MYH3: variants seen among roughly 807,000 people sequenced by gnomAD.
MYH3 encodes myosin-3.
In MYH3, 130 loss-of-function variants were observed where a neutral mutation model predicts 238.0. The observed-to-expected ratio is 0.55, with a 90% confidence interval of 0.47 to 0.63. The LOEUF (loss-of-function observed/expected upper bound fraction) is 0.63, where lower values mean the gene tolerates loss of function less well. Among genes scored for constraint, MYH3 ranks in the 30% least tolerant of loss-of-function variants. The pLI, the probability that MYH3 is intolerant of heterozygous loss-of-function variation, is 0.00. For synonymous variants in MYH3, 880 were observed against 924.1 expected (o/e 0.95, Z 0.86); for missense variants, 1,853 against 2,374.9 (o/e 0.78, Z 4.57).
At chr17:10,666,317 T>A in the MYH3 span, among the ~76,000 whole-genome samples, 1 of 152,208 alleles carries the variant, frequency 6.6e-6, no homozygotes, top group Non-Finnish European at 1.5e-5. Flanking sequence ...CAGTGGCTTA[T>A]GCTTGTAATC....
intron 3 of MYH3, 127 bp from the exon 4 acceptor site, chr17:10,652,690 C>G: frequency 1.9e-6 from 2 of 1,031,368 alleles, no homozygotes; most frequent in Non-Finnish European, 2.8e-6. Context: ...GATGCGATCT[C>G]GGCTCACTGC....
Position 10,634,071 on chromosome 17 carries a change from C to T in MYH3, c.4468G>A (p.Glu1490Lys), listed in dbSNP as rs1268766610. 9.9e-6 allele frequency: 16 copies of T among 1,614,052 alleles called. No individual in the cohort carries two copies. Among genetic ancestry groups the T allele is most frequent in the South Asian group, 2.2e-5 (2 of 91,094 alleles). Residue 1490 changes from glutamate to lysine, a missense_variant, in exon 32 of 41, where the codon GAG (glutamate) becomes AAG (lysine). Physicochemically the swap from Glu to Lys is moderately conservative, Grantham distance 56 (BLOSUM62 1). Around this residue, in one of 3 missense-constraint regions of MYH3, gnomAD observed 1,044 missense variants for 1,192.6 expected, o/e 0.88. Coordinates refer to ENST00000583535, the MANE Select transcript of MYH3 (RefSeq NM_002470.4). ...TELFKLKNAY[E>K]EALDQLETVK... ...GTTTCAAGTTGATCTAAGGCTTCCT[C>T]GTAGGCATTTTTCAGTTTGAAGAGC...
chr17:10,638,475 G>A lies in MYH3; in HGVS notation c.3340-43C>T, dbSNP rs568098174. The stretch of plus-strand genomic sequence containing the variant: ...TCACCCCGTGGGCAGTGGGTTCACC[G>A]CGGGGACTCTGATTGCCAAGAACAG... On this transcript the variant is annotated intron_variant, in intron 26 of 40. Coordinates refer to ENST00000583535, the MANE Select transcript of MYH3 (RefSeq NM_002470.4). 41 of 1,598,632 alleles carry A rather than the reference G, an allele frequency of 2.6e-5. No individual in the cohort carries two copies. In the Middle Eastern group the frequency reaches 5.0e-4, roughly 20 times the overall value.
At chr17:10,638,989 G>C in intron 25 of MYH3, 26 bp from the exon 26 acceptor site, 2 of 1,614,058 alleles carry the variant, frequency 1.2e-6, no homozygotes, top group Non-Finnish European at 1.7e-6. Flanking sequence ...TAGAATGCAT[G>C]AAGACAAAAT....
upstream of MYH3, among the ~76,000 whole-genome samples, chr17:10,660,107 T>A (rs974160017): frequency 6.6e-6 from 1 of 152,238 alleles, no homozygotes; most frequent in Non-Finnish European, 1.5e-5. Context: ...GCAGTGTGCT[T>A]CTTTGAGCCT....
intron 30 of MYH3, 150 bp downstream of exon 30, chr17:10,635,217 T>G (rs2074201844): frequency 2.1e-6 from 3 of 1,406,134 alleles, no homozygotes; most frequent in African/African-American, 2.9e-5. Flanking sequence ...CAAAGCTGTT[T>G]GTTTTAATAA....
In MYH3 at chr17:10,640,158, G is replaced by A. The variant is rs565057862; in HGVS notation, c.2520C>T (p.Leu840=). The part of the protein sequence containing the change: ...WMKLFFKIKP[L]LKSAETEKEM... ...CTTTCTCAGTCTCTGCACTCTTGAGGAGGGGCTTGATCTTGAAGAAGAGTT... is the reference window on the plus strand; with the variant it reads ...CTTTCTCAGTCTCTGCACTCTTGAGAAGGGGCTTGATCTTGAAGAAGAGTT... Residue 840 remains leucine, a synonymous_variant, in exon 22 of 41, where the codon CTC becomes CTT. Transcript: ENST00000583535. 5.5e-5 allele frequency: 89 copies of A among 1,614,166 alleles called. No individual in the cohort carries two copies. In the South Asian group the frequency reaches 9.2e-4, roughly 17 times the overall value.
rs1217140521 is a variant in MYH3, at chr17:10,630,211, G to A, written c.5458-15C>T. The A allele has an allele frequency of 2.5e-6, 4 of 1,614,014 alleles. No individual in the cohort carries two copies. Among genetic ancestry groups the A allele is most frequent in the Non-Finnish European group, 3.4e-6 (4 of 1,180,030 alleles). On this transcript the variant is annotated splice_polypyrimidine_tract_variant and intron_variant, in intron 37 of 40. Coordinates refer to ENST00000583535, the MANE Select transcript of MYH3 (RefSeq NM_002470.4). Reference sequence around the variant, plus strand: ...AGCTCTCGGATCTGGGGGAGAGGGTGGGGAAATTAGTCTGGGGCTGCAGCG... The same window carrying A: ...AGCTCTCGGATCTGGGGGAGAGGGTAGGGAAATTAGTCTGGGGCTGCAGCG...
Position 10,630,800 on chromosome 17 carries a change from G to A in MYH3, c.5287-342C>T, listed in dbSNP as rs376940849. Among the ~76,000 whole-genome samples, 111 of 152,116 alleles carry A rather than the reference G, an allele frequency of 7.3e-4. 1 individual carries two copies. Among genetic ancestry groups the A allele is most frequent in the East Asian group, 2.9e-3 (15 of 5,156 alleles). On this transcript the variant is annotated intron_variant, in intron 36 of 40. Coordinates refer to ENST00000583535, the MANE Select transcript of MYH3 (RefSeq NM_002470.4). ...CAGGAGGAGGAGGTTGCAGTGAGCC[G>A]AGATCTCGCCATTGCACTCCAGCCT...
At chr17:10,661,204 T>C (rs2074478058), upstream of MYH3, among the ~76,000 whole-genome samples, 1 of 146,462 alleles carries the variant, frequency 6.8e-6, no homozygotes, top group African/African-American at 2.5e-5. Context: ...CTTGAACTCC[T>C]GACCTCAGGT....
chr17:10,649,509 C>T (rs2074355209), intron 7 of MYH3, 68 bp downstream of exon 7: 10 of 1,249,148 alleles, frequency 8.0e-6, no homozygotes, highest in Non-Finnish European at 1.2e-5. Context: ...ACATTTGGCC[C>T]CCTCATTCTG....
Position 10,637,986 on chromosome 17 carries a change from A to G in MYH3, c.3730-51T>C, listed in dbSNP as rs117429737. The G allele has an allele frequency of 0.012, 19,790 of 1,614,084 alleles. 150 individuals are homozygous for G. Among genetic ancestry groups the G allele is most frequent in the Non-Finnish European group, 0.015 (17,634 of 1,180,032 alleles). On this transcript the variant is annotated intron_variant, in intron 27 of 40. Transcript: ENST00000583535. ...AGTCAGTCAGCAAAGTCAGGTTTCA[A>G]TGACCACGGAGTGTGTCTGATGGAA...
In MYH3 at chr17:10,638,356, T is replaced by C. The variant is rs1054769630; in HGVS notation, c.3416A>G (p.Asp1139Gly). ...CAGCTCCTCCAGCTCCCGGGCATAGTCGCTGCGCTGTTTCTCTGTCTTCGC... is the reference window on the plus strand; with the variant it reads ...CAGCTCCTCCAGCTCCCGGGCATAGCCGCTGCGCTGTTTCTCTGTCTTCGC... ...TRAKTEKQRS[D>G]YARELEELSE... Residue 1139 changes from aspartate (D) to glycine (G), a missense_variant, in exon 27 of 41, where the codon GAC becomes GGC. Around this residue, in one of 3 missense-constraint regions of MYH3, gnomAD observed 1,044 missense variants for 1,192.6 expected, o/e 0.88. Transcript: ENST00000583535. The C allele has an allele frequency of 2.5e-6, 4 of 1,608,986 alleles. No homozygotes were observed. Among genetic ancestry groups the C allele is most frequent in the East Asian group, 2.2e-5 (1 of 44,824 alleles).
At chr17:10,630,890 G>A (rs1016178654) in intron 36 of MYH3, among the ~76,000 whole-genome samples, 5 of 152,092 alleles carry the variant, frequency 3.3e-5, no homozygotes, top group African/African-American at 9.7e-5. Flanking sequence ...AAAGGACAAC[G>A]GGTGAGACTG....
chr17:10,647,095 A>T, intron 10 of MYH3, 87 bp downstream of exon 10: 1 of 962,934 alleles, frequency 1.0e-6, no homozygotes, highest in Non-Finnish European at 1.7e-6. Context: ...TTGACTGTAG[A>T]GTCACTCTAC....
chr17:10,664,235 A>C, the MYH3 span, among the ~76,000 whole-genome samples: 4 of 152,102 alleles, frequency 2.6e-5, no homozygotes, highest in African/African-American at 9.7e-5. Flanking sequence ...TGCTCTGCTA[A>C]AGATATTGTG....
intron 13 of MYH3, 25 bp downstream of exon 13, chr17:10,644,559 C>A: frequency 6.2e-7 from 1 of 1,613,252 alleles, no homozygotes; most frequent in Non-Finnish European, 8.5e-7. Context: ...GGTCCTGCAC[C>A]CTTTCCCGGC....
chr17:10,634,118 T>A lies in MYH3; in HGVS notation c.4421A>T (p.Glu1474Val). Residue 1474 changes from glutamate to valine, a missense_variant, in exon 32 of 41, where the codon GAG becomes GTG. Glu to Val is a moderately radical substitution (Grantham distance 121). Coordinates refer to ENST00000583535, the MANE Select transcript of MYH3 (RefSeq NM_002470.4). ...SQAELEASLK[E>V]SRSLSTELFK... The stretch of plus-strand genomic sequence containing the variant: ...GAGCTCAGTGCTCAAGGAGCGGGAC[T>A]CCTTCAGGGATGCCTCCAGCTCTGC... 1 of 1,614,226 alleles carries A rather than the reference T, an allele frequency of 6.2e-7. No homozygotes were observed. The highest frequency in any genetic ancestry group is 2.2e-5 in the East Asian group (1 of 44,878).
Position 10,642,417 on chromosome 17 carries a change from C to T in MYH3, c.1888G>A (p.Ala630Thr), listed in dbSNP as rs775242658. 4 of 1,614,046 alleles carry T rather than the reference C, an allele frequency of 2.5e-6. No individual in the cohort carries two copies. The highest frequency in any genetic ancestry group is 1.3e-5 in the African/African-American group (1 of 74,930). The change falls in exon 16 of 41, where the codon GCT becomes ACT. Residue 630 changes from alanine to threonine, a missense_variant and splice_region_variant. This residue lies in a region of MYH3 where 678 missense variants were observed against 1,058.9 expected (regional missense o/e 0.64). Coordinates refer to ENST00000583535, the MANE Select transcript of MYH3 (RefSeq NM_002470.4). The surrounding 1 kb of genome is among the most constrained non-coding windows in gnomAD (Gnocchi z 5.4). ...HLYATFATAD[A>T]DSGKKKVAKK... ...CATGGACACAAAGCACTCCTCTTAC[C>T]ATCCGCCGTGGCAAACGTGGCATAG...
Sources: gnomAD v4.1 joint callset for allele counts (sites outside exome capture counted in the v4.1 genomes callset) on GRCh38, gnomAD v4.1.1 for gene constraint, gnomAD v4.1.1 regional missense constraint, Gnocchi (gnomAD v3.1) non-coding constraint, MANE v1.5 for transcripts, NCBI Gene and HGNC (gene_info 2026-07-23, HGNC 2026-07-21) for gene names.